The following MTMR9 variants were observed in gnomAD, a reference collection of about 807,000 sequenced individuals.
MTMR9 encodes myotubularin-related protein 9.
A neutral mutation model predicts 69.5 loss-of-function variants in MTMR9; 39 were observed. That is an observed-to-expected ratio of 0.56 (90% CI 0.43 to 0.73). MTMR9 has a LOEUF of 0.73. Among genes scored for constraint, MTMR9 ranks in the 30% least tolerant of loss-of-function variants. The probability of loss-of-function intolerance (pLI) is 0.00; values close to 1 mark genes in which losing one functional copy is unlikely to be tolerated. For missense variants in MTMR9, 900 were observed against 671.2 expected, an observed-to-expected ratio of 1.34 and a Z score of -3.77; for synonymous variants, 354 against 240.8, an observed-to-expected ratio of 1.47 and a Z score of -4.35.
At chr8:11,331,652 G>A, downstream of MTMR9, 2 of 1,612,362 alleles carry the variant, frequency 1.2e-6, no homozygotes, top group Non-Finnish European at 1.7e-6. Flanking sequence ...CACTACAGGA[G>A]GGGACCACAG....
At chr8:11,301,051 G>A (rs945010548) in intron 3 of MTMR9, among the ~76,000 whole-genome samples, 3 of 152,154 alleles carry the variant, frequency 2.0e-5, no homozygotes, top group African/African-American at 7.2e-5. Context: ...AACTTTATTT[G>A]CAGAAACAAG....
intron 3 of MTMR9, among the ~76,000 whole-genome samples, chr8:11,303,529 AAATT>A (rs968775667): frequency 1.3e-4 from 20 of 152,122 alleles, no homozygotes; most frequent in East Asian, 7.7e-4. Flanking sequence ...TGTTTTTTTT[AAATT>A]AATTAATTAA....
In MTMR9 at chr8:11,300,089, A is replaced by G. The variant is rs200687372; in HGVS notation, c.358A>G (p.Ile120Val). The G allele has an allele frequency of 1.8e-4, 283 of 1,613,690 alleles. 1 individual carries two copies. The East Asian group carries it at 5.5e-3, about 32-fold the overall frequency. ...CTTTTACCGTCCTATGTTTGAAGTG[A>G]TAGAAGATGGCTGGCATTCCTTCCT... ...PFFYRPMFEV[I>V]EDGWHSFLPE... The change falls in exon 3 of 10, where the codon ATA becomes GTA. Residue 120 changes from isoleucine to valine, a missense_variant. By Grantham distance (29) the Ile-to-Val change is conservative. Transcript: ENST00000221086.
At chr8:11,308,733 T>A (rs1211072720) in intron 5 of MTMR9, among the ~76,000 whole-genome samples, 1 of 152,240 alleles carries the variant, frequency 6.6e-6, no homozygotes, top group African/African-American at 2.4e-5. Context: ...TGCATTGTTT[T>A]TCTCTCTGTT....
chr8:11,312,797 C>G (rs1478687460), intron 6 of MTMR9, among the ~76,000 whole-genome samples: 1 of 152,194 alleles, frequency 6.6e-6, no homozygotes, highest in Non-Finnish European at 1.5e-5. Flanking sequence ...AACTTGAAAG[C>G]TGAAATTACT....
intron 2 of MTMR9, 100 bp downstream of exon 2, chr8:11,295,402 G>A: frequency 2.6e-6 from 2 of 762,924 alleles, no homozygotes; most frequent in Non-Finnish European, 4.5e-6. Context: ...CATGTTCTCT[G>A]ACTCAAATAC....
downstream of MTMR9, chr8:11,331,176 A>C (rs745611158): frequency 1.1e-5 from 17 of 1,613,294 alleles, no homozygotes; most frequent in Admixed American, 2.5e-4. Context: ...CGCTCCACCC[A>C]GCCTCCGCTG....
At position 11,319,896 on chromosome 8, in the gene MTMR9, T is replaced by A. The variant is rs552143461; in HGVS notation, c.1486+58T>A. On this transcript the variant is annotated intron_variant, in intron 9 of 9. Transcript: ENST00000221086. ...GGTCAGGTGTGCATGCGGCTGCCTG[T>A]GAGTGTGTGCTGTTGGTGATGTATG... 3.8e-6 allele frequency: 6 copies of A among 1,576,216 alleles called. No individual in the cohort carries two copies. The Admixed American group carries it at 1.0e-4, about 27-fold the overall frequency.
chr8:11,290,962 C>T (rs1476561921), intron 1 of MTMR9, among the ~76,000 whole-genome samples: 6 of 147,156 alleles, frequency 4.1e-5, no homozygotes, highest in African/African-American at 1.5e-4. Context: ...TTTTAAAAGT[C>T]TTTAATAATA....
intron 2 of MTMR9, among the ~76,000 whole-genome samples, chr8:11,295,546 A>T (rs1490620105): frequency 6.6e-6 from 1 of 152,166 alleles, no homozygotes; most frequent in Non-Finnish European, 1.5e-5. Flanking sequence ...TTGGAATTCC[A>T]TTTCCAATGG....
At chr8:11,329,486 G>A (rs1260652084), downstream of MTMR9, among the ~76,000 whole-genome samples, 11 of 152,204 alleles carry the variant, frequency 7.2e-5, no homozygotes, top group African/African-American at 2.2e-4. Context: ...ACTGGTTTTC[G>A]TATTTTTTTG....
intron 8 of MTMR9, chr8:11,318,146 T>A (rs1053172967): frequency 1.3e-5 from 2 of 152,218 alleles, no homozygotes; most frequent in African/African-American, 2.4e-5. Flanking sequence ...CCTGTTAATA[T>A]CCTCAGGACT....
At position 11,326,967 on chromosome 8, in the gene MTMR9, CT is replaced by C. The variant is rs1800962871; in HGVS notation, c.*4180del. 1.1e-5 allele frequency: 1 copy of C among 87,174 alleles called. No individual in the cohort carries two copies. Among genetic ancestry groups the C allele is most frequent in the East Asian group, 7.1e-4 (1 of 1,402 alleles). 5.4% of individuals were successfully genotyped at this position (87,174 alleles called of 1,614,324 possible). Reference sequence around the variant, plus strand: ...CCTGGGCGAAAGGGCAAGACTCCATCTCAAAAAAAAAAAAAAAAAAAGACTC... The same window carrying C: ...CCTGGGCGAAAGGGCAAGACTCCATCCAAAAAAAAAAAAAAAAAAAGACTC... On this transcript the variant is annotated 3_prime_UTR_variant, in exon 10 of 10. Coordinates refer to ENST00000221086, the MANE Select transcript of MTMR9 (RefSeq NM_015458.4).
At chr8:11,309,785 C>G in intron 6 of MTMR9, 97 bp downstream of exon 6, 1 of 1,350,330 alleles carries the variant, frequency 7.4e-7, no homozygotes. Context: ...TGAAAGTTTG[C>G]AGTAAATTAC....
the MTMR9 span, among the ~76,000 whole-genome samples, chr8:11,334,244 A>T: frequency 2.6e-5 from 4 of 152,242 alleles, no homozygotes; most frequent in African/African-American, 7.2e-5. Context: ...AATGGCAAAC[A>T]TAAAAAAACA....
At position 11,324,763 on chromosome 8, in the gene MTMR9, A is replaced by G. The variant is rs1302308861; in HGVS notation, c.*1975A>G. On this transcript the variant is annotated 3_prime_UTR_variant, in exon 10 of 10. Coordinates refer to ENST00000221086, the MANE Select transcript of MTMR9 (RefSeq NM_015458.4). ...TCCCAGCCACTAGGAAAGCTGAGGCAGAAGGATCCCTTGAGCCTAGGAGGT... is the reference window on the plus strand; with the variant it reads ...TCCCAGCCACTAGGAAAGCTGAGGCGGAAGGATCCCTTGAGCCTAGGAGGT... The G allele has an allele frequency of 6.6e-6, 1 of 152,356 alleles. No individual in the cohort carries two copies. The highest frequency in any genetic ancestry group is 2.4e-5 in the African/African-American group (1 of 41,466). The allele number at this position is 152,356 out of a possible 1,614,324, so 9.4% of individuals were successfully genotyped here.
chr8:11,334,400 A>C, the MTMR9 span, among the ~76,000 whole-genome samples: 1 of 152,230 alleles, frequency 6.6e-6, no homozygotes, highest in South Asian at 2.1e-4. Context: ...CTGTATAGGC[A>C]TACGTTTTTC....
chr8:11,338,146 A>C, the MTMR9 span, among the ~76,000 whole-genome samples: 1 of 152,370 alleles, frequency 6.6e-6, no homozygotes, highest in East Asian at 1.9e-4. Flanking sequence ...TGGCAAGGAC[A>C]TCTGGAGCTG....
chr8:11,309,406 AT>A (rs1238249828), intron 5 of MTMR9, 120 bp from the exon 6 acceptor site: 1 of 784,520 alleles, frequency 1.3e-6, no homozygotes, highest in South Asian at 2.0e-5. Flanking sequence ...CAGGGTAAAT[AT>A]TTTTATAGTA....
Sources: allele counts gnomAD v4.1 joint callset (sites outside exome capture counted in the v4.1 genomes callset), GRCh38; gene constraint gnomAD v4.1.1; transcripts MANE v1.5; gene names NCBI Gene and HGNC (gene_info 2026-07-23, HGNC 2026-07-21).